Variants in PPP1R21 observed in about 807,000 individuals in gnomAD.
PPP1R21 encodes protein phosphatase 1 regulatory subunit 21, also known as KLRAQ motif containing 1.
In PPP1R21, 85 loss-of-function variants were observed where a neutral mutation model predicts 112.8. The observed-to-expected ratio is 0.75, with a 90% CI of 0.63 to 0.90. PPP1R21 has a LOEUF of 0.90. PPP1R21 is among the 40% of genes least tolerant of loss of function. PPP1R21 has a pLI of 0.00. For synonymous variants in PPP1R21, 381 were observed against 322.3 expected, an observed-to-expected ratio of 1.18 and a Z score of -1.95; for missense variants, 1,199 against 901.5, an observed-to-expected ratio of 1.33 and a Z score of -4.23.
Position 48,509,177 on chromosome 2 carries a change from G to T in PPP1R21, c.2086-838G>T, listed in dbSNP as rs919945579. Among the ~76,000 whole-genome samples, 9 of 152,240 alleles carry T rather than the reference G, an allele frequency of 5.9e-5. 1 individual carries two copies. Among genetic ancestry groups the T allele is most frequent in the Middle Eastern group, 6.8e-3 (2 of 294 alleles). On this transcript the variant is annotated intron_variant, in intron 19 of 21. Coordinates refer to ENST00000294952, the MANE Select transcript of PPP1R21 (RefSeq NM_001135629.3). ...TAGAACCCCTAAAGAAAGCAGCCTG[G>T]AATTTTTGCAATCTTGTGCTCATTT...
In PPP1R21 at chr2:48,483,195, CTT is replaced by C. The variant is rs755036470; in HGVS notation, c.1318+3202_1318+3203del. Among the ~76,000 whole-genome samples the C allele has an allele frequency of 5.4e-3, 434 of 80,830 alleles. 1 individual carries two copies. The highest frequency in any genetic ancestry group is 0.011 in the African/African-American group (219 of 19,378). The allele number at this position is 80,830 out of a possible 152,430, so 53.0% of individuals were successfully genotyped here. On this transcript the variant is annotated intron_variant, in intron 13 of 21. Transcript: ENST00000294952. ...TATAAAATAAAGATACTTTTTTTTC[CTT>C]TTTTTTTTTTTTTTTTTTTTTTGAG... is the stretch of plus-strand genomic sequence containing the variant.
intron 7 of PPP1R21, 31 bp downstream of exon 7, chr2:48,461,263 G>C (rs373148744): frequency 4.1e-5 from 62 of 1,494,026 alleles, no homozygotes; most frequent in Non-Finnish European, 4.3e-5. Flanking sequence ...TCCATTATTT[G>C]TAACTTTGAA....
At position 48,443,931 on chromosome 2, in the gene PPP1R21, A is replaced by G. The variant is rs116238938; in HGVS notation, c.57+2921A>G. On this transcript the variant is annotated intron_variant, in intron 1 of 21. Transcript: ENST00000294952. ...GCCCATCAAGAAAGCAGCAAGCATGATCCCTAAGCCAAGGACATTGGCAGA... is the reference window on the plus strand; with the variant it reads ...GCCCATCAAGAAAGCAGCAAGCATGGTCCCTAAGCCAAGGACATTGGCAGA... Among the ~76,000 whole-genome samples, 857 of 152,314 alleles carry G rather than the reference A, an allele frequency of 5.6e-3. 14 individuals are homozygous for G. Among genetic ancestry groups the G allele is most frequent in the African/African-American group, 0.02 (814 of 41,570 alleles).
chr2:48,491,777 G>C (rs1220145147), intron 15 of PPP1R21, among the ~76,000 whole-genome samples: 2 of 151,576 alleles, frequency 1.3e-5, no homozygotes, highest in Non-Finnish European at 2.9e-5. Flanking sequence ...AATGCATTGA[G>C]GATATATTTA....
intron 15 of PPP1R21, 81 bp downstream of exon 15, chr2:48,491,251 T>C (rs1401740439): frequency 1.9e-5 from 28 of 1,469,264 alleles, no homozygotes; most frequent in African/African-American, 2.8e-5. Context: ...TTTCTGCAGT[T>C]TATATTGTTG....
Position 48,495,739 on chromosome 2 carries a change from T to C in PPP1R21, c.1660T>C (p.Ser554Pro), listed in dbSNP as rs936578234. The change falls in exon 16 of 22, where the codon TCT becomes CCT. Residue 554 changes from serine (S) to proline (P), a missense_variant. Physicochemically the swap from Ser to Pro is moderately conservative, Grantham distance 74. Transcript: ENST00000294952. ...GGCAAACCGCCGCATCCTTCTCAGC[T>C]CTACTGAAAGTCGAGAAGGCCTTGC... is the stretch of plus-strand genomic sequence containing the variant. ...ALANRRILLS[S>P]TESREGLAQQ... The C allele has an allele frequency of 1.2e-6, 2 of 1,611,898 alleles. No individual in the cohort carries two copies. Among genetic ancestry groups the C allele is most frequent in the Non-Finnish European group, 1.7e-6 (2 of 1,177,916 alleles).
intron 14 of PPP1R21, among the ~76,000 whole-genome samples, chr2:48,490,582 A>G (rs1447889261): frequency 1.3e-5 from 2 of 152,218 alleles, no homozygotes; most frequent in South Asian, 2.1e-4. Flanking sequence ...TTAAATTTAA[A>G]TGGAAGTTAC....
chr2:48,479,067 A>G (rs555023322), intron 12 of PPP1R21, among the ~76,000 whole-genome samples: 1 of 152,194 alleles, frequency 6.6e-6, no homozygotes, highest in Non-Finnish European at 1.5e-5. Context: ...ACTCCTGTTG[A>G]TGAGCTGGGG....
intron 5 of PPP1R21, 36 bp from the exon 6 acceptor site, chr2:48,460,059 T>G: frequency 6.2e-7 from 1 of 1,612,636 alleles, no homozygotes; most frequent in Non-Finnish European, 8.5e-7. Context: ...TGTCGTAGCC[T>G]GAGCCATCTG....
At position 48,498,666 on chromosome 2, in the gene PPP1R21, G is replaced by T; in HGVS notation, c.1866G>T (p.Val622=). The change falls in exon 17 of 22, where the codon GTG becomes GTT. Residue 622 remains valine, a synonymous_variant. Coordinates refer to ENST00000294952, the MANE Select transcript of PPP1R21 (RefSeq NM_001135629.3). Reference sequence around the variant, plus strand: ...GGCTGGCCCAGGAAAATGCTGCTGTGTCAAATACTGCTGGCCAGGATGAAG... The same window carrying T: ...GGCTGGCCCAGGAAAATGCTGCTGTTTCAAATACTGCTGGCCAGGATGAAG... The part of the protein sequence containing the change: ...LVGLAQENAA[V]SNTAGQDEAT... 1 of 1,614,256 alleles carries T rather than the reference G, an allele frequency of 6.2e-7. No individual in the cohort carries two copies. Among genetic ancestry groups the T allele is most frequent in the Non-Finnish European group, 8.5e-7 (1 of 1,180,044 alleles).
chr2:48,450,926 A>C (rs1197263985), intron 1 of PPP1R21, 82 bp from the exon 2 acceptor site: 1 of 1,126,894 alleles, frequency 8.9e-7, no homozygotes, highest in African/African-American at 1.5e-5. Context: ...CAGTGTAATG[A>C]TGCCTGTAAA....
In PPP1R21 at chr2:48,459,755, T is replaced by G; in HGVS notation, c.377T>G (p.Phe126Cys). The part of the protein sequence containing the change: ...IEENERLHIQ[F>C]FEADEQHKHV... The stretch of plus-strand genomic sequence containing the variant: ...GAGAAAATGGTCTTCTCTTTTTAGT[T>G]TTTTGAAGCTGATGAGCAGCACAAG... Residue 126 changes from phenylalanine to cysteine, a missense_variant and splice_region_variant, in exon 5 of 22, where the codon TTT becomes TGT. Physicochemically the swap from Phe to Cys is radical, Grantham distance 205 (BLOSUM62 -2). Transcript: ENST00000294952. 1 of 1,608,494 alleles carries G rather than the reference T, an allele frequency of 6.2e-7. No homozygotes were observed. Among genetic ancestry groups the G allele is most frequent in the Non-Finnish European group, 8.5e-7 (1 of 1,178,514 alleles).
intron 1 of PPP1R21, among the ~76,000 whole-genome samples, chr2:48,448,031 A>AT (rs1220648187): frequency 6.6e-6 from 1 of 152,182 alleles, no homozygotes; most frequent in Non-Finnish European, 1.5e-5. Flanking sequence ...TAAGCTTCTC[A>AT]TTCAGTAATG....
At chr2:48,479,643 C>CT (rs1249399794) in intron 12 of PPP1R21, 1 of 598,094 alleles carries the variant, frequency 1.7e-6, no homozygotes. Flanking sequence ...TTCACAAAGA[C>CT]TTTCGTTTTA....
rs919779609 is a variant in PPP1R21, at chr2:48,452,556, AT to A, written c.126+1491del. Among the ~76,000 whole-genome samples, 186 of 146,418 alleles carry A rather than the reference AT, an allele frequency of 1.3e-3. 1 individual carries two copies. Among genetic ancestry groups the A allele is most frequent in the African/African-American group, 3.2e-3 (129 of 40,268 alleles). On this transcript the variant is annotated intron_variant, in intron 2 of 21. Coordinates refer to ENST00000294952, the MANE Select transcript of PPP1R21 (RefSeq NM_001135629.3). ...ATATAAATTATGAGAAAAATAAATT[AT>A]TTTTTTTTTTACTGTTTATTACAGT...
chr2:48,471,434 T>A, intron 11 of PPP1R21, 67 bp downstream of exon 11: 1 of 1,438,522 alleles, frequency 7.0e-7, no homozygotes, highest in Non-Finnish European at 9.4e-7. Flanking sequence ...CTGGCGTTAA[T>A]AAAATATTAA....
At chr2:48,460,293 T>G in intron 6 of PPP1R21, 140 bp downstream of exon 6, 1 of 798,742 alleles carries the variant, frequency 1.3e-6, no homozygotes, top group East Asian at 2.7e-5. Context: ...CCTTTTCAAT[T>G]CTGGGATCTC....
At chr2:48,468,919 C>A (rs1458988719) in intron 9 of PPP1R21, among the ~76,000 whole-genome samples, 1 of 151,258 alleles carries the variant, frequency 6.6e-6, no homozygotes, top group Non-Finnish European at 1.5e-5. Context: ...CTGATAAAGA[C>A]TTGAAAGACG....
chr2:48,457,786 T>C (rs1490581455), intron 3 of PPP1R21, among the ~76,000 whole-genome samples: 4 of 152,216 alleles, frequency 2.6e-5, no homozygotes, highest in Non-Finnish European at 2.9e-5. Flanking sequence ...AAGATCAAAT[T>C]GAAATGATAT....
Sources: allele counts gnomAD v4.1 joint callset (sites outside exome capture counted in the v4.1 genomes callset), GRCh38; gene constraint gnomAD v4.1.1; transcripts MANE v1.5; gene names NCBI Gene and HGNC (gene_info 2026-07-23, HGNC 2026-07-21).